Variants in NCALD observed in about 807,000 individuals in gnomAD.
NCALD encodes neurocalcin-delta.
Under a neutral mutation model 18.6 loss-of-function variants are expected in NCALD, and 10 were observed. The observed-to-expected ratio is 0.54, with a 90% CI of 0.33 to 0.91. NCALD has a LOEUF of 0.91. Among genes scored for constraint, NCALD ranks in the 40% least tolerant of loss-of-function variants. The pLI is 0.03. For synonymous variants in NCALD, 88 were observed against 87.4 expected, an observed-to-expected ratio of 1.01 and a Z score of -0.04; for missense variants, 184 against 247.6, an observed-to-expected ratio of 0.74 and a Z score of 1.72.
At chr8:101,929,502 G>A (rs372735580) in intron 2 of NCALD, among the ~76,000 whole-genome samples, 2 of 43,462 alleles carry the variant, frequency 4.6e-5, no homozygotes, top group East Asian at 1.6e-3. Flanking sequence ...AAAGGAAAGG[G>A]AAGGGAAGGA....
intron 1 of NCALD, among the ~76,000 whole-genome samples, chr8:102,114,315 C>T (rs1825721325): frequency 6.6e-6 from 1 of 152,214 alleles, no homozygotes; most frequent in Admixed American, 6.5e-5. Flanking sequence ...CTCTTTCTGC[C>T]CTGCAGCAGA....
intron 2 of NCALD, among the ~76,000 whole-genome samples, chr8:101,710,196 A>G (rs1586267060): frequency 6.6e-6 from 1 of 152,164 alleles, no homozygotes; most frequent in Non-Finnish European, 1.5e-5. Context: ...TCCCCTAGCC[A>G]AGGGAAGCCA....
chr8:101,984,028 T>A (rs1820717770), intron 2 of NCALD, among the ~76,000 whole-genome samples: 1 of 152,238 alleles, frequency 6.6e-6, no homozygotes, highest in African/African-American at 2.4e-5. Flanking sequence ...ATGCTATGTT[T>A]CCTGCCTGGA....
At chr8:101,720,099 G>T (rs1426010855) in intron 1 of NCALD, among the ~76,000 whole-genome samples, 2 of 152,202 alleles carry the variant, frequency 1.3e-5, no homozygotes, top group African/African-American at 4.8e-5. Flanking sequence ...CCAAGGGAAA[G>T]AATTTAGCAG....
chr8:101,901,666 G>A lies in NCALD; in HGVS notation c.-107+14143C>T, dbSNP rs185867197. On this transcript the variant is annotated intron_variant, in intron 3 of 6. Transcript: ENST00000311028. ...ATAATTTTCTTAAATATTTATCTAC[G>A]TACATCAAGAACTACATCGGATAGT... Among the ~76,000 whole-genome samples the A allele has an allele frequency of 9.7e-4, 147 of 151,672 alleles. 2 individuals are homozygous for A. Among genetic ancestry groups the A allele is most frequent in the African/African-American group, 3.4e-3 (139 of 41,340 alleles).
chr8:101,862,873 G>C (rs1026594724), intron 4 of NCALD, among the ~76,000 whole-genome samples: 2 of 152,132 alleles, frequency 1.3e-5, no homozygotes, highest in African/African-American at 4.8e-5. Context: ...AAATCCATTT[G>C]TTAAGCACTT....
chr8:101,937,436 G>C (rs1188132766), intron 2 of NCALD, among the ~76,000 whole-genome samples: 1 of 152,084 alleles, frequency 6.6e-6, no homozygotes, highest in African/African-American at 2.4e-5. Context: ...TAAAAATGTG[G>C]CATTTGTTTT....
chr8:101,876,653 T>G (rs1816240015), intron 4 of NCALD, among the ~76,000 whole-genome samples: 1 of 152,218 alleles, frequency 6.6e-6, no homozygotes, highest in Admixed American at 6.5e-5. Flanking sequence ...GCATTTTGCT[T>G]AATACCATGG....
intron 1 of NCALD, among the ~76,000 whole-genome samples, chr8:102,032,842 T>C (rs1475826568): frequency 6.6e-6 from 1 of 152,122 alleles, no homozygotes; most frequent in Non-Finnish European, 1.5e-5. Flanking sequence ...CATGGACTTA[T>C]CTTCTGAGTG....
intron 1 of NCALD, among the ~76,000 whole-genome samples, chr8:102,087,147 CT>C (rs1300761696): frequency 6.6e-6 from 1 of 152,186 alleles, no homozygotes; most frequent in Non-Finnish European, 1.5e-5. Flanking sequence ...TTTCATTTTA[CT>C]CTATGAACTC....
At chr8:101,999,277 G>A (rs1821356169) in intron 2 of NCALD, among the ~76,000 whole-genome samples, 1 of 151,708 alleles carries the variant, frequency 6.6e-6, no homozygotes, top group African/African-American at 2.4e-5. Flanking sequence ...TCAATGAGAA[G>A]ATAAAGAAAT....
intron 3 of NCALD, among the ~76,000 whole-genome samples, chr8:101,888,205 G>T (rs1816743900): frequency 6.6e-6 from 1 of 152,116 alleles, no homozygotes; most frequent in Non-Finnish European, 1.5e-5. Flanking sequence ...TTAGAGGAAA[G>T]GGAAAGTGGG....
chr8:101,959,333 T>C (rs1048085280), intron 2 of NCALD, among the ~76,000 whole-genome samples: 1 of 152,156 alleles, frequency 6.6e-6, no homozygotes, highest in African/African-American at 2.4e-5. Flanking sequence ...TGTCCTTCTA[T>C]CTGGACTTTG....
At chr8:102,053,220 A>C (rs1226495494) in intron 1 of NCALD, among the ~76,000 whole-genome samples, 3 of 152,190 alleles carry the variant, frequency 2.0e-5, no homozygotes, top group Non-Finnish European at 4.4e-5. Context: ...ATTCAGACCT[A>C]ATGAAGAAAT....
chr8:101,950,926 G>A (rs1217266582), intron 2 of NCALD, among the ~76,000 whole-genome samples: 2 of 152,162 alleles, frequency 1.3e-5, no homozygotes, highest in Non-Finnish European at 2.9e-5. Context: ...GATGGCAATA[G>A]GTACCTACAA....
chr8:101,856,268 C>T (rs1052723369), intron 4 of NCALD, among the ~76,000 whole-genome samples: 1 of 152,126 alleles, frequency 6.6e-6, no homozygotes, highest in African/African-American at 2.4e-5. Flanking sequence ...ACCTCCCAGG[C>T]TCACGTAAAT....
chr8:102,033,684 T>G (rs780105958), intron 1 of NCALD, among the ~76,000 whole-genome samples: 11 of 152,122 alleles, frequency 7.2e-5, no homozygotes, highest in Non-Finnish European at 1.5e-4. Context: ...TAAGCTAAAA[T>G]AAGATTGTTG....
intron 1 of NCALD, among the ~76,000 whole-genome samples, chr8:102,071,464 C>T (rs1824176027): frequency 6.6e-6 from 1 of 152,106 alleles, no homozygotes; most frequent in South Asian, 2.1e-4. Context: ...TTGTCTCAGG[C>T]AGCTTACAGT....
At chr8:101,894,797 C>A (rs1817085967) in intron 3 of NCALD, among the ~76,000 whole-genome samples, 1 of 150,402 alleles carries the variant, frequency 6.6e-6, no homozygotes, top group African/African-American at 2.5e-5. Flanking sequence ...CATACACTCT[C>A]CCGAGACTAA....
Sources: allele counts gnomAD v4.1 joint callset (sites outside exome capture counted in the v4.1 genomes callset), GRCh38; gene constraint gnomAD v4.1.1; transcripts MANE v1.5; gene names NCBI Gene and HGNC (gene_info 2026-07-23, HGNC 2026-07-21).